PUM3: variants seen among roughly 807,000 people sequenced by gnomAD.
The protein encoded by PUM3 is pumilio homolog 3.
Under a neutral mutation model 84.0 loss-of-function variants are expected in PUM3, and 91 were observed. The observed-to-expected ratio is 1.08, with a 90% CI of 0.91 to 1.29. PUM3 has a LOEUF of 1.29. PUM3 is among the 50% of genes most tolerant of loss of function. The pLI is 0.00. For missense variants in PUM3, 1,067 were observed against 767.5 expected, an observed-to-expected ratio of 1.39 and a Z score of -4.61; for synonymous variants, 321 against 266.7, an observed-to-expected ratio of 1.20 and a Z score of -1.98.
chr9:2,816,434 G>C (rs1011337965), intron 13 of PUM3, among the ~76,000 whole-genome samples: 3 of 152,158 alleles, frequency 2.0e-5, no homozygotes, highest in Admixed American at 1.3e-4. Context: ...AAAAGTCCTG[G>C]AGATTGCCTA....
chr9:2,812,723 C>T (rs145957157), intron 13 of PUM3, among the ~76,000 whole-genome samples: 1 of 152,314 alleles, frequency 6.6e-6, no homozygotes, highest in East Asian at 1.9e-4. Flanking sequence ...AATCAATTCT[C>T]TTTTGTGACT....
intron 9 of PUM3, among the ~76,000 whole-genome samples, chr9:2,828,320 C>G (rs925531081): frequency 1.1e-4 from 16 of 152,172 alleles, no homozygotes; most frequent in African/African-American, 3.9e-4. Context: ...GAATTATAGG[C>G]GTGAGCCACT....
At chr9:2,824,609 G>C in intron 11 of PUM3, 108 bp downstream of exon 11, 1 of 609,388 alleles carries the variant, frequency 1.6e-6, no homozygotes, top group East Asian at 3.4e-5. Flanking sequence ...TGCACAACAG[G>C]GCAAAGACCA....
At chr9:2,827,269 C>T (rs970009011) in intron 9 of PUM3, 118 bp from the exon 10 acceptor site, 56 of 645,018 alleles carry the variant, frequency 8.7e-5, no homozygotes, top group Non-Finnish European at 1.4e-4. Context: ...TTACTGAATA[C>T]AATTTGTCAT....
chr9:2,813,328 G>C (rs1335855443), intron 13 of PUM3, among the ~76,000 whole-genome samples: 1 of 152,192 alleles, frequency 6.6e-6, no homozygotes, highest in Non-Finnish European at 1.5e-5. Context: ...TGCAACAGAA[G>C]AGTCATCAAT....
Position 2,807,892 on chromosome 9 carries a change from T to C in PUM3, c.1736A>G (p.Lys579Arg). ...CATACCAACATGCTCTACAAGTGTT[T>C]TTGCAAAACAACCTGTAAAATATAC... The part of the protein sequence containing the change: ...KENGREGCFA[K>R]TLVEHVGMKN... The change falls in exon 17 of 18, where the codon AAA (lysine) becomes AGA (arginine). Residue 579 changes from lysine to arginine, a missense_variant. Coordinates refer to ENST00000397885, the MANE Select transcript of PUM3 (RefSeq NM_014878.5). 1 of 1,611,706 alleles carries C rather than the reference T, an allele frequency of 6.2e-7. No individual in the cohort carries two copies. The highest frequency in any genetic ancestry group is 2.2e-5 in the East Asian group (1 of 44,852).
intron 12 of PUM3, among the ~76,000 whole-genome samples, chr9:2,822,974 G>C (rs909179852): frequency 1.3e-5 from 2 of 151,812 alleles, no homozygotes; most frequent in African/African-American, 4.8e-5. Flanking sequence ...CAAACAAGTT[G>C]AAGTATTCCC....
intron 9 of PUM3, among the ~76,000 whole-genome samples, chr9:2,827,998 G>A (rs1467756762): frequency 6.6e-6 from 1 of 152,112 alleles, no homozygotes; most frequent in Non-Finnish European, 1.5e-5. Flanking sequence ...ATGCCATGAA[G>A]GGCACATGCA....
intron 5 of PUM3, 116 bp downstream of exon 5, chr9:2,833,241 T>A: frequency 2.0e-6 from 1 of 509,372 alleles, no homozygotes. Flanking sequence ...TTTAAAACTT[T>A]TGGCCAAATA....
At chr9:2,831,781 T>A (rs1815988479) in intron 5 of PUM3, among the ~76,000 whole-genome samples, 1 of 152,222 alleles carries the variant, frequency 6.6e-6, no homozygotes, top group Admixed American at 6.5e-5. Flanking sequence ...AGTATACCTG[T>A]AAGATCAATC....
chr9:2,818,667 GA>G (rs1821522391), intron 13 of PUM3, among the ~76,000 whole-genome samples: 1 of 152,108 alleles, frequency 6.6e-6, no homozygotes, highest in African/African-American at 2.4e-5. Context: ...AAGTCACAAG[GA>G]ACATGTCAAA....
intron 16 of PUM3, 43 bp from the exon 17 acceptor site, chr9:2,807,947 T>G: frequency 8.1e-7 from 1 of 1,228,758 alleles, no homozygotes; most frequent in Non-Finnish European, 1.2e-6. Context: ...CATAATAAGA[T>G]ATATACTCCC....
chr9:2,841,290 A>G (rs912401128), intron 1 of PUM3, among the ~76,000 whole-genome samples: 84 of 152,256 alleles, frequency 5.5e-4, no homozygotes, highest in Non-Finnish European at 2.2e-4. Context: ...TACTTTTCCA[A>G]AGTTACTTAG....
chr9:2,825,978 C>T (rs751208837), intron 10 of PUM3, among the ~76,000 whole-genome samples: 2 of 152,176 alleles, frequency 1.3e-5, no homozygotes, highest in African/African-American at 4.8e-5. Flanking sequence ...CTAACAATCC[C>T]TTCCCAAGAT....
chr9:2,816,615 G>A (rs547280637), intron 13 of PUM3, among the ~76,000 whole-genome samples: 16 of 152,206 alleles, frequency 1.1e-4, no homozygotes, highest in Non-Finnish European at 2.2e-4. Context: ...ACCTTGCAGA[G>A]GGTGTGTGCT....
At chr9:2,833,323 T>C in intron 5 of PUM3, 34 bp downstream of exon 5, 1 of 1,200,124 alleles carries the variant, frequency 8.3e-7, no homozygotes. Context: ...ACTTCAACTG[T>C]TAAAAATTGC....
intron 1 of PUM3, among the ~76,000 whole-genome samples, chr9:2,843,419 C>T (rs1460135312): frequency 6.6e-6 from 1 of 152,034 alleles, no homozygotes; most frequent in Non-Finnish European, 1.5e-5. Flanking sequence ...TGCGTACATT[C>T]AGGCAAACCG....
At chr9:2,839,623 C>G (rs1816215828) in intron 1 of PUM3, among the ~76,000 whole-genome samples, 1 of 152,188 alleles carries the variant, frequency 6.6e-6, no homozygotes. Flanking sequence ...AAGGAGTACT[C>G]TGGAAAGTGC....
rs1815929502 is a variant in PUM3 at position 2,829,923 on chromosome 9, T to C, written c.703A>G (p.Ile235Val). 1.9e-6 allele frequency: 3 copies of C among 1,613,354 alleles called. No homozygotes were observed. The highest frequency in any genetic ancestry group is 1.1e-5 in the South Asian group (1 of 91,020). The change falls in exon 8 of 18, where the codon ATC (isoleucine) becomes GTC (valine). Residue 235 changes from isoleucine (I) to valine (V), a missense_variant. Transcript: ENST00000397885. ...CTCACGTGGCCTTTAAAACTTCTGA[T>C]TATCTCTGCAATCTGTGGTTTACTT... is the stretch of plus-strand genomic sequence containing the variant. The part of the protein sequence containing the change: ...YGSKPQIAEI[I>V]RSFKGHVRKM...
Sources: gnomAD v4.1 joint callset for allele counts (sites outside exome capture counted in the v4.1 genomes callset) on GRCh38, gnomAD v4.1.1 for gene constraint, MANE v1.5 for transcripts, NCBI Gene and HGNC (gene_info 2026-07-23, HGNC 2026-07-21) for gene names.